The following TRAPPC9 variants were observed in gnomAD, a reference collection of about 807,000 sequenced individuals.
TRAPPC9 encodes trafficking protein particle complex subunit 9, also known as IKK2 binding protein.
In TRAPPC9, 83 loss-of-function variants were observed where a neutral mutation model predicts 124.0. That is an observed-to-expected ratio of 0.67 (90% CI 0.56 to 0.80). TRAPPC9 has a LOEUF of 0.80. Among genes scored for constraint, TRAPPC9 ranks in the 30% least tolerant of loss-of-function variants. TRAPPC9 has a pLI of 0.00. For synonymous variants in TRAPPC9, 638 were observed against 617.5 expected (o/e 1.03, Z -0.49); for missense variants, 1,302 against 1,508.3 (o/e 0.86, Z 2.27).
chr8:139,920,695 C>T (rs559254199), intron 19 of TRAPPC9, among the ~76,000 whole-genome samples: 2 of 152,218 alleles, frequency 1.3e-5, no homozygotes, highest in Non-Finnish European at 2.9e-5. Context: ...TTTTCCAAAG[C>T]GTCATGTTCA....
rs1818597766 is a variant in TRAPPC9 at position 139,742,082 on chromosome 8, C to T, written c.3056-9880G>A. 6.6e-6 allele frequency among the ~76,000 whole-genome samples: 1 copy of T among 152,202 alleles called. No homozygotes were observed. The highest frequency in any genetic ancestry group is 2.4e-5 in the African/African-American group (1 of 41,440). On this transcript the variant is annotated intron_variant, in intron 21 of 22. Coordinates refer to ENST00000438773, the MANE Select transcript of TRAPPC9 (RefSeq NM_001160372.4). This position sits in a 1 kb window ranked among gnomAD's most constrained non-coding sequence, Gnocchi z 4.7. ...AAATGGCAACTCTGTCTAATGGTTTCAGGAAGCACCAGACTGTTTTCCAAG... is the reference window on the plus strand; with the variant it reads ...AAATGGCAACTCTGTCTAATGGTTTTAGGAAGCACCAGACTGTTTTCCAAG...
chr8:140,310,347 C>T (rs906615840), intron 10 of TRAPPC9, among the ~76,000 whole-genome samples: 11 of 152,092 alleles, frequency 7.2e-5, no homozygotes, highest in African/African-American at 1.9e-4. Flanking sequence ...AAGCCAAGAG[C>T]GTTTTAAAGA....
At chr8:140,161,516 C>T (rs770165885) in intron 17 of TRAPPC9, among the ~76,000 whole-genome samples, 1 of 151,888 alleles carries the variant, frequency 6.6e-6, no homozygotes, top group Non-Finnish European at 1.5e-5. Context: ...TTCATATATA[C>T]CTTATCCACA....
At chr8:140,149,605 CAG>C (rs1208231877) in intron 17 of TRAPPC9, among the ~76,000 whole-genome samples, 2 of 148,124 alleles carry the variant, frequency 1.4e-5, no homozygotes, top group Admixed American at 1.4e-4. Context: ...GCCTAAGTGA[CAG>C]AGCAAGACTC....
intron 19 of TRAPPC9, among the ~76,000 whole-genome samples, chr8:139,968,515 C>T (rs56135011): frequency 0.15 from 22,927 of 152,188 alleles, 2,640 homozygotes; most frequent in African/African-American, 0.32. Context: ...TCCAGAATCA[C>T]GTCGCTAGTG....
intron 18 of TRAPPC9, among the ~76,000 whole-genome samples, chr8:140,007,507 C>T (rs754663055): frequency 6.6e-6 from 1 of 152,162 alleles, no homozygotes; most frequent in Non-Finnish European, 1.5e-5. Context: ...TTTCATGCAT[C>T]ACCATTTGGA....
intron 10 of TRAPPC9, among the ~76,000 whole-genome samples, chr8:140,303,269 TA>T (rs1323761196): frequency 6.6e-6 from 1 of 151,560 alleles, no homozygotes. Flanking sequence ...TGTTAGCTCT[TA>T]AAAAAAAATA....
At chr8:139,857,803 C>A (rs890668806) in intron 21 of TRAPPC9, among the ~76,000 whole-genome samples, 1 of 152,230 alleles carries the variant, frequency 6.6e-6, no homozygotes, top group African/African-American at 2.4e-5. Context: ...GAGCAACTAG[C>A]CCCAAAAAAG....
intron 19 of TRAPPC9, among the ~76,000 whole-genome samples, chr8:139,915,715 T>A (rs1428213215): frequency 1.3e-5 from 2 of 152,170 alleles, no homozygotes; most frequent in Non-Finnish European, 2.9e-5. Flanking sequence ...CTTCCCTGAA[T>A]GGGCAGAGGG....
rs189990807 is a variant in TRAPPC9, at chr8:140,182,030, C to T, written c.2556+39429G>A. Among the ~76,000 whole-genome samples the T allele has an allele frequency of 1.1e-4, 16 of 152,276 alleles. No homozygotes were observed. Among genetic ancestry groups the T allele is most frequent in the Non-Finnish European group, 2.9e-5 (2 of 68,024 alleles). ...TTCCTGGTCCAATCTGAGGGAAGCCCTTCATGACTCAGTACCAGGGAGCTG... is the reference window on the plus strand; with the variant it reads ...TTCCTGGTCCAATCTGAGGGAAGCCTTTCATGACTCAGTACCAGGGAGCTG... On this transcript the variant is annotated intron_variant, in intron 17 of 22. Coordinates refer to ENST00000438773, the MANE Select transcript of TRAPPC9 (RefSeq NM_001160372.4). This position sits in a 1 kb window ranked among gnomAD's most constrained non-coding sequence, Gnocchi z 4.0.
intron 17 of TRAPPC9, among the ~76,000 whole-genome samples, chr8:140,094,250 G>A (rs919460824): frequency 4.6e-5 from 7 of 152,200 alleles, no homozygotes. Context: ...CTGCAGGGAG[G>A]TGCACCCACA....
At position 140,011,916 on chromosome 8, in the gene TRAPPC9, G is replaced by T. The variant is rs1368237813; in HGVS notation, c.2699+12021C>A. Among the ~76,000 whole-genome samples the T allele has an allele frequency of 2.6e-5, 4 of 152,048 alleles. No homozygotes were observed. The East Asian group carries it at 7.7e-4, about 29-fold the overall frequency. On this transcript the variant is annotated intron_variant, in intron 18 of 22. Coordinates refer to ENST00000438773, the MANE Select transcript of TRAPPC9 (RefSeq NM_001160372.4). ...TGGTCTCAAACTCCTGACCTCAGGT[G>T]ATCCTCCTGCCTCAGCCTCCCAAAG...
chr8:140,397,507 G>GT, intron 7 of TRAPPC9, 113 bp downstream of exon 7: 1 of 1,242,394 alleles, frequency 8.0e-7, no homozygotes, highest in Non-Finnish European at 1.2e-6. Context: ...AGATTCAACA[G>GT]TTTTTATCAT....
intron 21 of TRAPPC9, among the ~76,000 whole-genome samples, chr8:139,756,005 GGGGATGAGGACAGCAGGTCA>G (rs1819738153): frequency 8.3e-6 from 1 of 120,546 alleles, no homozygotes; most frequent in Non-Finnish European, 1.7e-5. Flanking sequence ...GCCAGGGTTT[GGGGATGAGGACAGCAGGTCA>G]CAGGAGGAGC....
chr8:140,456,625 G>A (rs1427476230), intron 1 of TRAPPC9, among the ~76,000 whole-genome samples: 1 of 151,962 alleles, frequency 6.6e-6, no homozygotes, highest in Non-Finnish European at 1.5e-5. Flanking sequence ...ACAAAACCTA[G>A]CCAGATCTTT....
intron 9 of TRAPPC9, among the ~76,000 whole-genome samples, chr8:140,345,585 C>T (rs1454964279): frequency 1.3e-5 from 2 of 152,156 alleles, no homozygotes; most frequent in Admixed American, 6.5e-5. Context: ...ATGTATTGGC[C>T]GGCACTGGGC....
chr8:140,225,856 C>A (rs572897084), intron 16 of TRAPPC9, among the ~76,000 whole-genome samples: 1 of 152,284 alleles, frequency 6.6e-6, no homozygotes, highest in African/African-American at 2.4e-5. Context: ...GCCAGCTCCT[C>A]CCGAGGGAAG....
At chr8:139,816,131 G>T (rs2130771111) in intron 21 of TRAPPC9, among the ~76,000 whole-genome samples, 1 of 152,312 alleles carries the variant, frequency 6.6e-6, no homozygotes, top group Non-Finnish European at 1.5e-5. Context: ...GGCACCAGAG[G>T]GCAGCCTTGG....
In TRAPPC9 at chr8:139,874,177, GA is replaced by G. The variant is rs571473473; in HGVS notation, c.3055+11701del. 3.6e-3 allele frequency among the ~76,000 whole-genome samples: 554 copies of G among 152,356 alleles called. 3 individuals carry two copies. The highest frequency in any genetic ancestry group is 5.3e-3 in the Non-Finnish European group (359 of 68,040). On this transcript the variant is annotated intron_variant, in intron 21 of 22. Coordinates refer to ENST00000438773, the MANE Select transcript of TRAPPC9 (RefSeq NM_001160372.4). ...GCCTTAGAGTTATAAATGGAAAAATGAAACATTAATAAGCGATAATAAGGGA... is the reference window on the plus strand; with the variant it reads ...GCCTTAGAGTTATAAATGGAAAAATGAACATTAATAAGCGATAATAAGGGA...
Sources: allele counts gnomAD v4.1 joint callset (sites outside exome capture counted in the v4.1 genomes callset), GRCh38; gene constraint gnomAD v4.1.1; non-coding constraint Gnocchi (gnomAD v3.1); transcripts MANE v1.5; gene names NCBI Gene and HGNC (gene_info 2026-07-23, HGNC 2026-07-21).